Variants in WWOX observed in about 807,000 individuals in gnomAD.
The protein encoded by WWOX is WW domain containing oxidoreductase.
Under a neutral mutation model 46.2 loss-of-function variants are expected in WWOX, and 69 were observed. That is an observed-to-expected ratio of 1.49 (90% confidence interval 1.23 to 1.82). The LOEUF is 1.82. WWOX is among the 40% of genes most tolerant of loss of function. The probability of loss-of-function intolerance (pLI) is 0.00; values close to 1 mark genes in which losing one functional copy is unlikely to be tolerated. For missense variants in WWOX, 919 were observed against 542.6 expected (o/e 1.69, Z -6.89); for synonymous variants, 359 against 202.6 (o/e 1.77, Z -6.56).
intron 8 of WWOX, among the ~76,000 whole-genome samples, chr16:78,501,248 C>G (rs1171516786): frequency 1.7e-5 from 2 of 117,294 alleles, no homozygotes; most frequent in Non-Finnish European, 3.4e-5. Flanking sequence ...TGTAAAAACA[C>G]AAAATAAAAA....
chr16:78,523,313 G>A (rs955134616), intron 8 of WWOX, among the ~76,000 whole-genome samples: 1 of 152,204 alleles, frequency 6.6e-6, no homozygotes, highest in African/African-American at 2.4e-5. Context: ...AAGGTAGACA[G>A]CTGTAAACTG....
chr16:78,277,507 G>T (rs1039570857), intron 5 of WWOX, among the ~76,000 whole-genome samples: 4 of 152,112 alleles, frequency 2.6e-5, no homozygotes, highest in African/African-American at 9.7e-5. Flanking sequence ...ACAAATAGAG[G>T]GAATATTAAC....
intron 8 of WWOX, among the ~76,000 whole-genome samples, chr16:78,611,298 A>G (rs567581976): frequency 2.0e-5 from 3 of 152,200 alleles, no homozygotes; most frequent in Admixed American, 2.0e-4. Flanking sequence ...CTAGCCTTTT[A>G]TTTTAAATCC....
At chr16:78,955,970 AAAAAAAC>A (rs889759586) in intron 8 of WWOX, among the ~76,000 whole-genome samples, 134 of 151,626 alleles carry the variant, frequency 8.8e-4, no homozygotes, top group Middle Eastern at 3.4e-3. Context: ...TTCACTTTAG[AAAAAAAC>A]AAAAAACAAA....
chr16:78,833,561 C>T (rs200616441), intron 8 of WWOX, among the ~76,000 whole-genome samples: 3 of 152,172 alleles, frequency 2.0e-5, no homozygotes, highest in African/African-American at 7.2e-5. Context: ...CCCCAGTAGG[C>T]TTATGGTGCT....
Position 78,350,128 on chromosome 16 carries a change from G to C in WWOX, c.517-36732G>C, listed in dbSNP as rs1044366141. 4.9e-4 allele frequency among the ~76,000 whole-genome samples: 59 copies of C among 121,016 alleles called. 12 individuals are homozygous for C. The highest frequency in any genetic ancestry group is 1.4e-3 in the African/African-American group (50 of 35,762). The allele number at this position is 121,016 out of a possible 152,430, so 79.4% of individuals were successfully genotyped here. A position where few individuals can be genotyped will look rare whatever the true frequency, so the allele number is the denominator to read the frequency against. On this transcript the variant is annotated intron_variant, in intron 5 of 8. Coordinates refer to ENST00000566780, the MANE Select transcript of WWOX (RefSeq NM_016373.4). Reference sequence around the variant, plus strand: ...ATCTCCAACAGCTAGGCAATATTCTGTCATATGGGTTTACCATACTTTTCT... The same window carrying C: ...ATCTCCAACAGCTAGGCAATATTCTCTCATATGGGTTTACCATACTTTTCT...
chr16:78,525,451 C>G (rs2043442248), intron 8 of WWOX: 2 of 152,226 alleles, frequency 1.3e-5, no homozygotes, highest in South Asian at 4.1e-4. Context: ...TCCCAAAGTG[C>G]TGGGATTACA....
intron 8 of WWOX, among the ~76,000 whole-genome samples, chr16:78,699,037 T>G (rs778979359): frequency 6.6e-6 from 1 of 152,216 alleles, no homozygotes; most frequent in African/African-American, 2.4e-5. Flanking sequence ...AGATAGTGTT[T>G]CTAGCTTTGC....
At chr16:78,384,189 A>G (rs574737307) in intron 5 of WWOX, among the ~76,000 whole-genome samples, 1 of 152,246 alleles carries the variant, frequency 6.6e-6, no homozygotes, top group East Asian at 1.9e-4. Context: ...TGAGCAGAGC[A>G]ATTTCTTTAC....
At chr16:78,221,822 A>T (rs1281310834) in intron 5 of WWOX, among the ~76,000 whole-genome samples, 2 of 152,246 alleles carry the variant, frequency 1.3e-5, no homozygotes, top group East Asian at 3.9e-4. Context: ...GATTTTATAC[A>T]CTCATGCATA....
At chr16:78,549,764 T>C (rs1269145203) in intron 8 of WWOX, among the ~76,000 whole-genome samples, 1 of 152,156 alleles carries the variant, frequency 6.6e-6, no homozygotes, top group Admixed American at 6.5e-5. Flanking sequence ...ATATGAAGCC[T>C]AAGGGTAAGA....
At chr16:78,145,891 ATGAGTT>A (rs2034182240) in intron 4 of WWOX, 1 of 152,156 alleles carries the variant, frequency 6.6e-6, no homozygotes. Flanking sequence ...GCTTCAGTGT[ATGAGTT>A]TGGGATGGCA....
At chr16:78,865,854 G>A (rs911542399) in intron 8 of WWOX, among the ~76,000 whole-genome samples, 3 of 152,218 alleles carry the variant, frequency 2.0e-5, no homozygotes, top group Admixed American at 6.5e-5. Flanking sequence ...ACTCCAGCCT[G>A]GGCGATGAGT....
At chr16:78,875,491 G>A (rs1047336237) in intron 8 of WWOX, among the ~76,000 whole-genome samples, 2 of 152,182 alleles carry the variant, frequency 1.3e-5, no homozygotes, top group African/African-American at 4.8e-5. Context: ...ACTTCATTAA[G>A]TGGAGGACAG....
intron 8 of WWOX, among the ~76,000 whole-genome samples, chr16:78,538,439 C>T (rs903821396): frequency 2.0e-5 from 3 of 152,104 alleles, no homozygotes; most frequent in Non-Finnish European, 2.9e-5. Context: ...GTATGCACTT[C>T]GGCCACGGGC....
intron 3 of WWOX, among the ~76,000 whole-genome samples, chr16:78,111,308 G>T (rs577090214): frequency 4.7e-4 from 71 of 152,348 alleles, no homozygotes; most frequent in Admixed American, 1.9e-3. Context: ...ATATGGAGAT[G>T]ATCATGGACA....
intron 5 of WWOX, among the ~76,000 whole-genome samples, chr16:78,288,217 A>G (rs1021438089): frequency 6.6e-6 from 1 of 151,778 alleles, no homozygotes; most frequent in South Asian, 2.1e-4. Context: ...AACATGAACA[A>G]TATATGATCA....
At chr16:79,190,388 C>A (rs2051110921) in intron 8 of WWOX, among the ~76,000 whole-genome samples, 2 of 152,074 alleles carry the variant, frequency 1.3e-5, no homozygotes, top group Admixed American at 6.6e-5. Flanking sequence ...GCGTAGATTC[C>A]TGCCTAAGGT....
intron 6 of WWOX, among the ~76,000 whole-genome samples, chr16:78,400,873 G>C (rs937264805): frequency 2.0e-5 from 3 of 152,228 alleles, no homozygotes; most frequent in East Asian, 1.9e-4. Context: ...ACCCAGACTG[G>C]TGTGCAGTGG....
Sources: gnomAD v4.1 joint callset for allele counts (sites outside exome capture counted in the v4.1 genomes callset) on GRCh38, gnomAD v4.1.1 for gene constraint, MANE v1.5 for transcripts, NCBI Gene and HGNC (gene_info 2026-07-23, HGNC 2026-07-21) for gene names.